Variants in OXR1 observed in about 807,000 individuals in gnomAD.
OXR1 encodes oxidation resistance 1, also known as oxidation resistance protein 1.
OXR1 carries 41 observed loss-of-function variants against 104.6 expected under a neutral mutation model. The observed-to-expected ratio is 0.39, with a 90% CI of 0.31 to 0.51. The LOEUF (loss-of-function observed/expected upper bound fraction) is 0.51, where lower values mean the gene tolerates loss of function less well. Among genes scored for constraint, OXR1 ranks in the 20% least tolerant of loss-of-function variants. OXR1 has a pLI of 0.77. For missense variants in OXR1, 955 were observed against 1,031.9 expected (o/e 0.93, Z 1.02); for synonymous variants, 348 against 348.4 (o/e 1.00, Z 0.01).
chr8:106,516,034 C>T (rs1347497733), intron 2 of OXR1, among the ~76,000 whole-genome samples: 1 of 152,076 alleles, frequency 6.6e-6, no homozygotes, highest in Non-Finnish European at 1.5e-5. Flanking sequence ...GCCTCACTCC[C>T]CTGCCCTCAG....
chr8:106,278,550 A>G (rs1812152411), intron 1 of OXR1, among the ~76,000 whole-genome samples: 1 of 152,172 alleles, frequency 6.6e-6, no homozygotes, highest in Admixed American at 6.5e-5. Context: ...ATCATCCATT[A>G]GGGCTGTTGA....
chr8:106,721,247 C>G (rs1282454071), intron 11 of OXR1, among the ~76,000 whole-genome samples: 1 of 151,898 alleles, frequency 6.6e-6, no homozygotes. Context: ...GCAGAGAAAG[C>G]TTTCCAAAAT....
chr8:106,528,169 C>T (rs1342554642), intron 3 of OXR1, among the ~76,000 whole-genome samples: 1 of 151,940 alleles, frequency 6.6e-6, no homozygotes, highest in African/African-American at 2.4e-5. Flanking sequence ...TTCCTTCTTT[C>T]CTTCCCTCCT....
chr8:106,469,004 GTT>G (rs200009211), intron 2 of OXR1, among the ~76,000 whole-genome samples: 9,443 of 129,206 alleles, frequency 0.073, 364 homozygotes, highest in Non-Finnish European at 0.091. Flanking sequence ...GTCATTGTTT[GTT>G]TGTGTGTTGT....
intron 1 of OXR1, among the ~76,000 whole-genome samples, chr8:106,351,841 T>A (rs1051138512): frequency 6.6e-6 from 1 of 152,190 alleles, no homozygotes; most frequent in Non-Finnish European, 1.5e-5. Flanking sequence ...GTTCATGCAT[T>A]TTTACATAAA....
At position 106,298,016 on chromosome 8, in the gene OXR1, G is replaced by A. The variant is rs1027255278; in HGVS notation, c.-139+27649G>A. Among the ~76,000 whole-genome samples the A allele has an allele frequency of 2.6e-5, 4 of 152,260 alleles. No individual in the cohort carries two copies. The South Asian group carries it at 8.3e-4, about 32-fold the overall frequency. ...TGGCGACAAACCAAATGTAAACCTT[G>A]CAAAGGAATATTGCAATAAAATTCG... On this transcript the variant is annotated intron_variant, in intron 1 of 16. Coordinates refer to ENST00000517566, the MANE Select transcript of OXR1 (RefSeq NM_001198533.2).
intron 2 of OXR1, among the ~76,000 whole-genome samples, chr8:106,433,875 C>T (rs975044690): frequency 6.6e-6 from 1 of 152,108 alleles, no homozygotes; most frequent in Non-Finnish European, 1.5e-5. Context: ...TAGTTACCTT[C>T]TTTGTTTTTT....
intron 1 of OXR1, among the ~76,000 whole-genome samples, chr8:106,319,534 C>A (rs1814122542): frequency 6.6e-6 from 1 of 152,300 alleles, no homozygotes; most frequent in African/African-American, 2.4e-5. Context: ...AAGAGAAAAT[C>A]AAACTCTAAG....
At chr8:106,447,879 C>T in intron 2 of OXR1, 5 of 1,488,550 alleles carry the variant, frequency 3.4e-6, no homozygotes, top group Non-Finnish European at 4.5e-6. Flanking sequence ...ATACTAGCCC[C>T]ACCCCCCAAC....
intron 3 of OXR1, among the ~76,000 whole-genome samples, chr8:106,600,304 C>T (rs1454531181): frequency 1.3e-5 from 2 of 152,168 alleles, no homozygotes; most frequent in African/African-American, 4.8e-5. Flanking sequence ...ATACAAAGTC[C>T]ATCCACAAAC....
In OXR1 at chr8:106,706,988, G is replaced by A. The variant is rs777833297; in HGVS notation, c.1467G>A (p.Lys489=). ...KQSVNKGKQG[K]EQNQDSQTEA... ...GTGTTAACAAAGGAAAACAAGGAAAGGAGCAAAATCAGGACTCACAGACAG... is the reference window on the plus strand; with the variant it reads ...GTGTTAACAAAGGAAAACAAGGAAAAGAGCAAAATCAGGACTCACAGACAG... Residue 489 remains lysine (K), a synonymous_variant, in exon 9 of 17, where the codon AAG becomes AAA. Transcript: ENST00000517566. 3.2e-5 allele frequency: 52 copies of A among 1,613,712 alleles called. No homozygotes were observed. The highest frequency in any genetic ancestry group is 8.5e-6 in the Non-Finnish European group (10 of 1,179,942).
At chr8:106,573,402 A>T (rs1029733769) in intron 3 of OXR1, among the ~76,000 whole-genome samples, 1 of 151,802 alleles carries the variant, frequency 6.6e-6, no homozygotes, top group Non-Finnish European at 1.5e-5. Flanking sequence ...AGTGTGTGTT[A>T]TACTTTCAGG....
At chr8:106,613,157 C>A (rs768800762) in intron 3 of OXR1, among the ~76,000 whole-genome samples, 10 of 151,794 alleles carry the variant, frequency 6.6e-5, no homozygotes, top group Non-Finnish European at 1.5e-4. Context: ...TCCCTTCAAG[C>A]AGAAGAAAAT....
intron 3 of OXR1, among the ~76,000 whole-genome samples, chr8:106,594,182 G>T (rs1819335272): frequency 6.6e-6 from 1 of 152,116 alleles, no homozygotes; most frequent in Non-Finnish European, 1.5e-5. Context: ...CAATTGCTGA[G>T]GCTTTATTTT....
intron 10 of OXR1, among the ~76,000 whole-genome samples, chr8:106,713,094 G>A (rs758596440): frequency 1.3e-4 from 19 of 151,872 alleles, no homozygotes; most frequent in Non-Finnish European, 1.9e-4. Flanking sequence ...TAGCTGCCAC[G>A]TAAAGAATGG....
At chr8:106,281,770 A>G (rs1812294006) in intron 1 of OXR1, among the ~76,000 whole-genome samples, 1 of 142,508 alleles carries the variant, frequency 7.0e-6, no homozygotes, top group African/African-American at 2.7e-5. Flanking sequence ...ACTGCACTCT[A>G]CCCTGGGTGA....
At chr8:106,646,919 C>T (rs1824134379) in intron 3 of OXR1, among the ~76,000 whole-genome samples, 1 of 152,234 alleles carries the variant, frequency 6.6e-6, no homozygotes, top group Non-Finnish European at 1.5e-5. Flanking sequence ...TACCAATTGG[C>T]ACTTGTCCAA....
At chr8:106,447,463 A>C (rs990900808) in intron 2 of OXR1, among the ~76,000 whole-genome samples, 1 of 152,146 alleles carries the variant, frequency 6.6e-6, no homozygotes, top group African/African-American at 2.4e-5. Context: ...CAAGTTCCTC[A>C]ACCTTGGTAA....
intron 2 of OXR1, among the ~76,000 whole-genome samples, chr8:106,422,680 C>G (rs192806418): frequency 6.6e-6 from 1 of 152,062 alleles, no homozygotes; most frequent in African/African-American, 2.4e-5. Flanking sequence ...ATTTTTAGAG[C>G]ACTCATTTTA....
Sources: gnomAD v4.1 joint callset for allele counts (sites outside exome capture counted in the v4.1 genomes callset) on GRCh38, gnomAD v4.1.1 for gene constraint, MANE v1.5 for transcripts, NCBI Gene and HGNC (gene_info 2026-07-23, HGNC 2026-07-21) for gene names.